Variants in TRHDE observed in about 807,000 individuals in gnomAD.
TRHDE encodes thyrotropin releasing hormone degrading enzyme, also known as thyrotropin-releasing hormone-degrading ectoenzyme.
A neutral mutation model predicts 125.7 loss-of-function variants in TRHDE; 72 were observed. The ratio of observed to expected loss-of-function variants is 0.57; its 90% CI spans 0.47 to 0.70. TRHDE has a LOEUF of 0.70. TRHDE is among the 30% of genes least tolerant of loss of function. The pLI is 0.00. For synonymous variants in TRHDE, 509 were observed against 509.1 expected (o/e 1.00, Z 0.00); for missense variants, 1,110 against 1,327.1 (o/e 0.84, Z 2.54).
At chr12:72,299,946 G>A (rs1480531550) in intron 2 of TRHDE, among the ~76,000 whole-genome samples, 1 of 152,170 alleles carries the variant, frequency 6.6e-6, no homozygotes. Flanking sequence ...TTGAGGGATG[G>A]ATAGACATCG....
intron 3 of TRHDE, among the ~76,000 whole-genome samples, chr12:72,384,707 G>T (rs775904429): frequency 1.3e-5 from 2 of 151,964 alleles, no homozygotes; most frequent in African/African-American, 2.4e-5. Flanking sequence ...TAAATTATGG[G>T]ATAAATTGCC....
chr12:72,348,737 A>G (rs940044397), intron 2 of TRHDE, among the ~76,000 whole-genome samples: 2 of 152,058 alleles, frequency 1.3e-5, no homozygotes, highest in African/African-American at 4.8e-5. Context: ...ATCTATAGGC[A>G]TTCTTTTGAG....
At chr12:72,457,714 A>G (rs1227990433) in intron 3 of TRHDE, among the ~76,000 whole-genome samples, 2 of 152,188 alleles carry the variant, frequency 1.3e-5, no homozygotes, top group African/African-American at 4.8e-5. Flanking sequence ...GCTTATGCTA[A>G]GAGGAACTGG....
chr12:72,267,074 A>G (rs1879085202), intron 2 of TRHDE, among the ~76,000 whole-genome samples: 2 of 152,104 alleles, frequency 1.3e-5, no homozygotes, highest in African/African-American at 4.8e-5. Flanking sequence ...CAATTATAGG[A>G]GTATATTCAC....
rs374459958 is a variant in TRHDE, at chr12:72,446,901, C to T, written c.1316-22857C>T. On this transcript the variant is annotated intron_variant, in intron 3 of 18. Transcript: ENST00000261180. ...GAGACCTACAAAGAGACTTAGACTC[C>T]CACACAATAATAATGGAAGACTTTA... is the stretch of plus-strand genomic sequence containing the variant. Among the ~76,000 whole-genome samples, 34 of 152,048 alleles carry T rather than the reference C, an allele frequency of 2.2e-4. No homozygotes were observed. In the East Asian group the frequency reaches 4.3e-3, roughly 19 times the overall value.
chr12:72,592,609 T>G (rs1021476805), intron 12 of TRHDE, among the ~76,000 whole-genome samples: 1 of 152,054 alleles, frequency 6.6e-6, no homozygotes, highest in Non-Finnish European at 1.5e-5. Flanking sequence ...TTTTTCCAAG[T>G]AATTTTCTTG....
At chr12:72,562,793 T>C in intron 8 of TRHDE, 60 bp from the exon 9 acceptor site, 1 of 1,094,730 alleles carries the variant, frequency 9.1e-7, no homozygotes, top group Non-Finnish European at 1.3e-6. Context: ...AATGTCTTAA[T>C]GTTAATAATG....
chr12:72,399,055 A>T (rs1392865839), intron 3 of TRHDE, among the ~76,000 whole-genome samples: 1 of 152,148 alleles, frequency 6.6e-6, no homozygotes, highest in African/African-American at 2.4e-5. Context: ...TTCTCATAGG[A>T]GCACAAACCC....
At chr12:72,618,865 G>A in intron 12 of TRHDE, 26 bp from the exon 13 acceptor site, 14 of 1,440,174 alleles carry the variant, frequency 9.7e-6, no homozygotes, top group Non-Finnish European at 1.1e-5. Context: ...GCATCATCAT[G>A]TATCTTTTTT....
chr12:72,148,857 G>A (rs1876287808), intron 2 of TRHDE, among the ~76,000 whole-genome samples: 1 of 152,204 alleles, frequency 6.6e-6, no homozygotes, highest in Admixed American at 6.5e-5. Context: ...TATCTTGCAA[G>A]CTGGACTAGA....
At position 72,242,637 on chromosome 12, in the gene TRHDE, C is replaced by T. The variant is rs140177524; in HGVS notation, n.280-135358C>T. On this transcript the variant is annotated intron_variant and non_coding_transcript_variant, in intron 2 of 4. Transcript: ENST00000548156. The stretch of plus-strand genomic sequence containing the variant: ...ATGTTTCCATCCACACCAGTGTTCA[C>T]ATCTGGCTTTTGGGTTGCCTTGAGA... Among the ~76,000 whole-genome samples the T allele has an allele frequency of 4.2e-3, 638 of 152,260 alleles. 4 individuals are homozygous for T. Among genetic ancestry groups the T allele is most frequent in the African/African-American group, 0.014 (592 of 41,568 alleles).
At chr12:72,174,270 C>G (rs528683827) in intron 2 of TRHDE, among the ~76,000 whole-genome samples, 3 of 152,090 alleles carry the variant, frequency 2.0e-5, no homozygotes, top group Non-Finnish European at 2.9e-5. Flanking sequence ...TTCAGCTGAA[C>G]CCACCCAGAA....
intron 2 of TRHDE, among the ~76,000 whole-genome samples, chr12:72,308,246 G>A (rs1868384618): frequency 1.3e-5 from 2 of 152,002 alleles, no homozygotes; most frequent in African/African-American, 4.8e-5. Context: ...GTGTGCATGT[G>A]TGTGAATGTG....
intron 3 of TRHDE, among the ~76,000 whole-genome samples, chr12:72,414,254 A>G (rs1873636426): frequency 1.3e-5 from 2 of 152,106 alleles, no homozygotes; most frequent in Admixed American, 6.6e-5. Flanking sequence ...TTAAGGAAGC[A>G]ATGAAACTAG....
chr12:72,567,678 AT>A (rs1870514081), intron 9 of TRHDE, among the ~76,000 whole-genome samples: 1 of 151,956 alleles, frequency 6.6e-6, no homozygotes, highest in Non-Finnish European at 1.5e-5. Flanking sequence ...ACAGAAAAAT[AT>A]TTTTTCCATA....
At chr12:72,431,350 C>T (rs1393115220) in intron 3 of TRHDE, among the ~76,000 whole-genome samples, 1 of 152,106 alleles carries the variant, frequency 6.6e-6, no homozygotes, top group African/African-American at 2.4e-5. Context: ...AAGAAATTTA[C>T]TTATTTTAAA....
chr12:72,259,844 C>T lies in TRHDE; in HGVS notation n.280-118151C>T, dbSNP rs74103687. Reference sequence around the variant, plus strand: ...TGTGGACCCTGACACTCAGTAACACCCTTTCAATGGAAAGAAAGAGAGGCA... The same window carrying T: ...TGTGGACCCTGACACTCAGTAACACTCTTTCAATGGAAAGAAAGAGAGGCA... On this transcript the variant is annotated intron_variant and non_coding_transcript_variant, in intron 2 of 4. Transcript: ENST00000548156. Among the ~76,000 whole-genome samples, 677 of 152,230 alleles carry T rather than the reference C, an allele frequency of 4.4e-3. 7 individuals are homozygous for T. Among genetic ancestry groups the T allele is most frequent in the African/African-American group, 0.016 (649 of 41,518 alleles).
intron 2 of TRHDE, among the ~76,000 whole-genome samples, chr12:72,192,558 G>C (rs999074872): frequency 2.0e-5 from 3 of 152,046 alleles, no homozygotes; most frequent in African/African-American, 7.2e-5. Context: ...GCTTAACTCT[G>C]AGGTGTTTCT....
chr12:72,239,761 A>G (rs1878437351), intron 2 of TRHDE, among the ~76,000 whole-genome samples: 1 of 152,220 alleles, frequency 6.6e-6, no homozygotes, highest in Admixed American at 6.5e-5. Context: ...AATAGCCAAA[A>G]TAGTTCTCCT....
Sources: allele counts gnomAD v4.1 joint callset (sites outside exome capture counted in the v4.1 genomes callset), GRCh38; gene constraint gnomAD v4.1.1; transcripts MANE v1.5; gene names NCBI Gene and HGNC (gene_info 2026-07-23, HGNC 2026-07-21).